The following ROBO2 variants were observed in gnomAD, a reference collection of about 807,000 sequenced individuals.
ROBO2 encodes the protein roundabout homolog 2.
A neutral mutation model predicts 160.8 loss-of-function variants in ROBO2; 53 were observed. The ratio of observed to expected loss-of-function variants is 0.33; its 90% CI spans 0.26 to 0.41. The LOEUF (loss-of-function observed/expected upper bound fraction) is 0.41, where lower values mean the gene tolerates loss of function less well. ROBO2 is among the 10% of genes least tolerant of loss of function. The pLI is 1.00. For synonymous variants in ROBO2, 664 were observed against 611.7 expected, an observed-to-expected ratio of 1.09 and a Z score of -1.26; for missense variants, 1,577 against 1,722.4, an observed-to-expected ratio of 0.92 and a Z score of 1.49.
chr3:76,686,932 T>A (rs959333965), intron 2 of ROBO2, among the ~76,000 whole-genome samples: 1 of 152,160 alleles, frequency 6.6e-6, no homozygotes, highest in Non-Finnish European at 1.5e-5. Flanking sequence ...CATTGTGTTA[T>A]TTATTCTGTA....
chr3:76,635,886 C>T (rs750588812), intron 2 of ROBO2, among the ~76,000 whole-genome samples: 7 of 152,170 alleles, frequency 4.6e-5, no homozygotes, highest in Admixed American at 1.3e-4. Context: ...GGAGGCAAGG[C>T]CCTGGGGCTG....
At chr3:77,497,449 T>C (rs2086947611) in intron 5 of ROBO2, among the ~76,000 whole-genome samples, 1 of 152,288 alleles carries the variant, frequency 6.6e-6, no homozygotes, top group Admixed American at 6.5e-5. Context: ...CTACTACATT[T>C]GTAATGCTCA....
At chr3:76,434,722 C>T (rs1190867866) in intron 2 of ROBO2, 41 of 1,070,832 alleles carry the variant, frequency 3.8e-5, no homozygotes, top group Middle Eastern at 4.0e-4. Flanking sequence ...CCTCCTCCCC[C>T]AGTCTCTACC....
intron 2 of ROBO2, among the ~76,000 whole-genome samples, chr3:77,342,020 C>A (rs1455197745): frequency 1.3e-5 from 2 of 152,024 alleles, no homozygotes; most frequent in African/African-American, 4.8e-5. Flanking sequence ...TATGCATTAA[C>A]TTCTAGGTTT....
chr3:76,036,732 G>A (rs879925555), intron 2 of ROBO2, among the ~76,000 whole-genome samples: 2 of 151,586 alleles, frequency 1.3e-5, no homozygotes, highest in Non-Finnish European at 1.5e-5. Context: ...TCGAACTCCC[G>A]ACCTCAGGTG....
At chr3:77,510,568 T>A (rs1473363731) in intron 5 of ROBO2, among the ~76,000 whole-genome samples, 1 of 152,038 alleles carries the variant, frequency 6.6e-6, no homozygotes, top group East Asian at 1.9e-4. Flanking sequence ...ATGGAAAATG[T>A]TAGGTGACAT....
intron 2 of ROBO2, among the ~76,000 whole-genome samples, chr3:76,917,422 T>A (rs753812638): frequency 7.2e-5 from 11 of 152,176 alleles, no homozygotes; most frequent in Non-Finnish European, 1.6e-4. Context: ...GAAAAATGAT[T>A]GATAAGTGTA....
chr3:76,555,386 A>AGAG (rs1225966537), intron 2 of ROBO2, among the ~76,000 whole-genome samples: 1 of 68,370 alleles, frequency 1.5e-5, no homozygotes, highest in East Asian at 6.9e-4. Context: ...AAGAAGAAGA[A>AGAG]GAAGAAGAAG....
At chr3:77,643,021 G>T in intron 24 of ROBO2, 78 bp downstream of exon 26, 1 of 419,722 alleles carries the variant, frequency 2.4e-6, no homozygotes, top group Non-Finnish European at 4.7e-6. Flanking sequence ...AATGGCAGTT[G>T]TTTAAGGGCA....
intron 2 of ROBO2, among the ~76,000 whole-genome samples, chr3:76,192,308 C>T (rs533447557): frequency 6.6e-6 from 1 of 152,008 alleles, no homozygotes; most frequent in South Asian, 2.1e-4. Context: ...CTGCCATTTC[C>T]CTAGTTAGTG....
At chr3:77,449,725 G>T (rs533507005) in intron 2 of ROBO2, among the ~76,000 whole-genome samples, 5 of 152,140 alleles carry the variant, frequency 3.3e-5, no homozygotes, top group African/African-American at 1.2e-4. Context: ...ACTTCCACGT[G>T]CTTAGCTAGC....
intron 2 of ROBO2, among the ~76,000 whole-genome samples, chr3:76,551,666 G>C (rs1237327832): frequency 6.6e-6 from 1 of 152,070 alleles, no homozygotes; most frequent in African/African-American, 2.4e-5. Flanking sequence ...CACCCTCTTG[G>C]GGCTTTGCAG....
At chr3:75,930,279 C>T (rs1202946200) in intron 1 of ROBO2, among the ~76,000 whole-genome samples, 1 of 152,062 alleles carries the variant, frequency 6.6e-6, no homozygotes, top group African/African-American at 2.4e-5. Context: ...ATCCTCATTC[C>T]TACAATCCTT....
intron 2 of ROBO2, among the ~76,000 whole-genome samples, chr3:76,000,657 T>A (rs182274850): frequency 6.6e-6 from 1 of 151,860 alleles, no homozygotes; most frequent in African/African-American, 2.4e-5. Context: ...CCTGGCTAAT[T>A]TTTTTGTATT....
intron 2 of ROBO2, among the ~76,000 whole-genome samples, chr3:77,278,604 T>C (rs1449987615): frequency 6.6e-6 from 1 of 152,166 alleles, no homozygotes. Context: ...ATCCTCACAA[T>C]AAACCTATAG....
chr3:76,436,419 A>C (rs1430973058), intron 2 of ROBO2, among the ~76,000 whole-genome samples: 2 of 152,168 alleles, frequency 1.3e-5, no homozygotes, highest in Non-Finnish European at 2.9e-5. Flanking sequence ...GCTTCTGTCC[A>C]AGCACCTGAA....
chr3:77,154,045 A>G (rs1057342399), intron 2 of ROBO2, among the ~76,000 whole-genome samples: 4 of 152,098 alleles, frequency 2.6e-5, no homozygotes, highest in African/African-American at 9.7e-5. Context: ...TTCATCTGCT[A>G]CTTCACAGCC....
chr3:76,283,151 T>TATATATATATATATATATATAA (rs1219870606), intron 2 of ROBO2, among the ~76,000 whole-genome samples: 15 of 137,542 alleles, frequency 1.1e-4, no homozygotes, highest in Admixed American at 5.2e-4. Context: ...TATATATATA[T>TATATATATATATATATATATAA]AAAACTACAT....
chr3:76,821,151 A>G (rs62261805), intron 2 of ROBO2, among the ~76,000 whole-genome samples: 6 of 152,122 alleles, frequency 3.9e-5, no homozygotes, highest in Non-Finnish European at 8.8e-5. Flanking sequence ...AAACACTACC[A>G]TATAATTAAA....
Sources: allele counts gnomAD v4.1 joint callset (sites outside exome capture counted in the v4.1 genomes callset), GRCh38; gene constraint gnomAD v4.1.1; transcripts MANE v1.5; gene names NCBI Gene and HGNC (gene_info 2026-07-23, HGNC 2026-07-21).